TMEM108: variants seen among roughly 807,000 people sequenced by gnomAD.
The protein encoded by TMEM108 is transmembrane protein 108.
In TMEM108, 12 loss-of-function variants were observed where a neutral mutation model predicts 35.1. That is an observed-to-expected ratio of 0.34 (90% confidence interval 0.22 to 0.55). The LOEUF (loss-of-function observed/expected upper bound fraction) is 0.55, where lower values mean the gene tolerates loss of function less well. Among genes scored for constraint, TMEM108 ranks in the 20% least tolerant of loss-of-function variants. The pLI is 0.89. For missense variants in TMEM108, 680 were observed against 753.3 expected, an observed-to-expected ratio of 0.90 and a Z score of 1.14; for synonymous variants, 287 against 308.6, an observed-to-expected ratio of 0.93 and a Z score of 0.73.
At chr3:133,120,537 A>T (rs577693035) in intron 2 of TMEM108, among the ~76,000 whole-genome samples, 1 of 152,266 alleles carries the variant, frequency 6.6e-6, no homozygotes, top group East Asian at 1.9e-4. Context: ...TTATTGCTTT[A>T]TGCCTAACTA....
At chr3:133,333,724 CAG>C (rs1343837175) in intron 3 of TMEM108, among the ~76,000 whole-genome samples, 2 of 152,178 alleles carry the variant, frequency 1.3e-5, no homozygotes, top group South Asian at 2.1e-4. Context: ...AAAAGATATT[CAG>C]AGTTTTGGGT....
At chr3:133,090,103 C>T (rs1943930192) in intron 2 of TMEM108, among the ~76,000 whole-genome samples, 2 of 152,122 alleles carry the variant, frequency 1.3e-5, no homozygotes, top group Admixed American at 1.3e-4. Context: ...GTTACTGAAA[C>T]CCTGGAAACT....
chr3:133,110,086 T>G (rs561292405), intron 2 of TMEM108, among the ~76,000 whole-genome samples: 16 of 152,312 alleles, frequency 1.1e-4, no homozygotes, highest in South Asian at 2.1e-4. Flanking sequence ...CAAGCCTGTT[T>G]TGCCTGTTTT....
rs78299291 is a variant in TMEM108, at chr3:133,185,305, T to C, written c.-46-43961T>C. Among the ~76,000 whole-genome samples, 1,102 of 152,248 alleles carry C rather than the reference T, an allele frequency of 7.2e-3. 16 individuals carry two copies. Among genetic ancestry groups the C allele is most frequent in the African/African-American group, 0.025 (1,044 of 41,548 alleles). Reference sequence around the variant, plus strand: ...TTCCGTGGGAAAAGTAACTTCCTAATTGGGGTCCAAGCTAGAAACAATTGT... The same window carrying C: ...TTCCGTGGGAAAAGTAACTTCCTAACTGGGGTCCAAGCTAGAAACAATTGT... On this transcript the variant is annotated intron_variant, in intron 2 of 5. Coordinates refer to ENST00000321871, the MANE Select transcript of TMEM108 (RefSeq NM_023943.4).
chr3:133,276,396 G>T (rs1245316880), intron 3 of TMEM108, among the ~76,000 whole-genome samples: 4 of 152,114 alleles, frequency 2.6e-5, no homozygotes, highest in Admixed American at 6.6e-5. Flanking sequence ...ATGGAAATCT[G>T]GTTGTTTTGA....
At chr3:133,263,360 G>A (rs534392441) in intron 3 of TMEM108, among the ~76,000 whole-genome samples, 2 of 152,256 alleles carry the variant, frequency 1.3e-5, no homozygotes, top group East Asian at 1.9e-4. Context: ...AATTCTTCTA[G>A]TATACTTTGT....
intron 3 of TMEM108, among the ~76,000 whole-genome samples, chr3:133,282,703 T>G (rs960421959): frequency 6.5e-4 from 99 of 152,320 alleles, no homozygotes; most frequent in African/African-American, 2.3e-3. Flanking sequence ...TTTTGTAAAG[T>G]TAAAAATGTA....
chr3:133,038,977 T>C (rs1943240606), intron 1 of TMEM108, among the ~76,000 whole-genome samples: 1 of 152,136 alleles, frequency 6.6e-6, no homozygotes, highest in Non-Finnish European at 1.5e-5. Context: ...GGACGGAGCC[T>C]CCGTGCTGCC....
chr3:133,120,795 C>CAGAT (rs1324316110), intron 2 of TMEM108: 1 of 152,100 alleles, frequency 6.6e-6, no homozygotes, highest in African/African-American at 2.4e-5. Flanking sequence ...ATAGATAGCA[C>CAGAT]AGATAGAGCA....
intron 3 of TMEM108, among the ~76,000 whole-genome samples, chr3:133,376,810 C>A (rs1576524775): frequency 6.6e-6 from 1 of 152,164 alleles, no homozygotes; most frequent in African/African-American, 2.4e-5. Flanking sequence ...TGCACAAAAG[C>A]CCTGTCTCTG....
chr3:133,054,767 C>T (rs1943446460), intron 2 of TMEM108, among the ~76,000 whole-genome samples: 1 of 152,190 alleles, frequency 6.6e-6, no homozygotes, highest in African/African-American at 2.4e-5. Context: ...TGGACCTGCA[C>T]AGCTGTGAGT....
intron 2 of TMEM108, among the ~76,000 whole-genome samples, chr3:133,115,374 G>T (rs73007409): frequency 0.019 from 2,839 of 152,242 alleles, 99 homozygotes; most frequent in African/African-American, 0.064. Flanking sequence ...CTAGATGCCT[G>T]GCATCATTCT....
At chr3:133,075,376 C>T (rs73005558) in intron 2 of TMEM108, among the ~76,000 whole-genome samples, 3,541 of 152,290 alleles carry the variant, frequency 0.023, 111 homozygotes, top group African/African-American at 0.073. Context: ...CAATGCTTGG[C>T]ATTATCCAGC....
chr3:133,090,660 C>G (rs1943936844), intron 2 of TMEM108, among the ~76,000 whole-genome samples: 1 of 152,212 alleles, frequency 6.6e-6, no homozygotes, highest in South Asian at 2.1e-4. Context: ...GTGGGGCAAT[C>G]TCCCATGCAG....
At chr3:133,305,907 A>G (rs2071028449) in intron 3 of TMEM108, among the ~76,000 whole-genome samples, 1 of 151,954 alleles carries the variant, frequency 6.6e-6, no homozygotes, top group African/African-American at 2.4e-5. Flanking sequence ...CTATTCATGT[A>G]TTTTGCCCAT....
intron 3 of TMEM108, among the ~76,000 whole-genome samples, chr3:133,311,187 T>C (rs1163609654): frequency 2.0e-5 from 3 of 152,226 alleles, no homozygotes; most frequent in Non-Finnish European, 4.4e-5. Context: ...CTGACAATTA[T>C]GTGTCTTGGG....
intron 3 of TMEM108, among the ~76,000 whole-genome samples, chr3:133,277,018 G>A (rs990509708): frequency 6.6e-6 from 1 of 152,120 alleles, no homozygotes; most frequent in Non-Finnish European, 1.5e-5. Flanking sequence ...TGACGTGTGA[G>A]GTGCTGGATC....
At chr3:133,133,482 A>G (rs1254506448) in intron 2 of TMEM108, among the ~76,000 whole-genome samples, 1 of 152,154 alleles carries the variant, frequency 6.6e-6, no homozygotes, top group Non-Finnish European at 1.5e-5. Flanking sequence ...GAAACAGAAA[A>G]TCTGTGTGAC....
intron 3 of TMEM108, among the ~76,000 whole-genome samples, chr3:133,261,761 T>C (rs760686645): frequency 6.6e-6 from 1 of 152,218 alleles, no homozygotes; most frequent in Non-Finnish European, 1.5e-5. Flanking sequence ...TCAAATGTCC[T>C]CACACAAAAT....
Sources: gnomAD v4.1 joint callset for allele counts (sites outside exome capture counted in the v4.1 genomes callset) on GRCh38, gnomAD v4.1.1 for gene constraint, MANE v1.5 for transcripts, NCBI Gene and HGNC (gene_info 2026-07-23, HGNC 2026-07-21) for gene names.